Variants in LRRC4C observed in about 807,000 individuals in gnomAD.
The protein encoded by LRRC4C is leucine rich repeat containing 4C, also known as leucine-rich repeat-containing protein 4C.
A neutral mutation model predicts 33.6 loss-of-function variants in LRRC4C; 5 were observed. The observed-to-expected ratio is 0.15, with a 90% CI of 0.08 to 0.31. The LOEUF is 0.31. LRRC4C is among the 10% of genes least tolerant of loss of function. The probability of loss-of-function intolerance (pLI) is 1.00; values close to 1 mark genes in which losing one functional copy is unlikely to be tolerated. For synonymous variants in LRRC4C, 329 were observed against 302.0 expected (o/e 1.09, Z -0.93); for missense variants, 560 against 796.7 (o/e 0.70, Z 3.58).
At chr11:40,513,248 CAAAAAAAAAAA>C (rs1171178910) in intron 3 of LRRC4C, among the ~76,000 whole-genome samples, 17 of 55,014 alleles carry the variant, frequency 3.1e-4, no homozygotes, top group South Asian at 1.6e-3. Flanking sequence ...GACTCCGTCT[CAAAAAAAAAAA>C]AAAAAAAAAA....
chr11:41,075,577 C>A (rs1447185834), intron 1 of LRRC4C, among the ~76,000 whole-genome samples: 3 of 152,098 alleles, frequency 2.0e-5, no homozygotes, highest in Non-Finnish European at 4.4e-5. Context: ...AACCCATTAG[C>A]ACATTAATAC....
At chr11:40,501,034 T>C (rs189717231) in intron 3 of LRRC4C, among the ~76,000 whole-genome samples, 11 of 152,302 alleles carry the variant, frequency 7.2e-5, no homozygotes, top group Middle Eastern at 3.4e-3. Flanking sequence ...ATACAGAGGC[T>C]ACAGACCCCA....
At chr11:41,285,295 C>T (rs1949790090) in intron 1 of LRRC4C, among the ~76,000 whole-genome samples, 1 of 152,118 alleles carries the variant, frequency 6.6e-6, no homozygotes, top group African/African-American at 2.4e-5. Flanking sequence ...ACATGTATTT[C>T]TTCACGTATA....
chr11:40,325,029 A>G (rs568831158), intron 3 of LRRC4C, among the ~76,000 whole-genome samples: 20 of 152,348 alleles, frequency 1.3e-4, no homozygotes, highest in African/African-American at 4.8e-4. Context: ...TACTATTAGT[A>G]TAGTTGTAGT....
At chr11:40,562,242 A>G (rs1957578046) in intron 3 of LRRC4C, among the ~76,000 whole-genome samples, 1 of 152,238 alleles carries the variant, frequency 6.6e-6, no homozygotes, top group African/African-American at 2.4e-5. Context: ...TTGATTATCA[A>G]CATGAAGCAA....
At chr11:40,394,308 C>A (rs1949453419) in intron 3 of LRRC4C, among the ~76,000 whole-genome samples, 1 of 152,082 alleles carries the variant, frequency 6.6e-6, no homozygotes, top group South Asian at 2.1e-4. Context: ...ATCTTCCTGG[C>A]AGAATAACTT....
chr11:40,311,742 C>G (rs1029716913), intron 4 of LRRC4C, among the ~76,000 whole-genome samples: 1 of 151,956 alleles, frequency 6.6e-6, no homozygotes, highest in Non-Finnish European at 1.5e-5. Context: ...GTCAAGAGAT[C>G]GAGACCATCC....
chr11:41,007,033 C>T (rs1359147747), intron 1 of LRRC4C, among the ~76,000 whole-genome samples: 2 of 152,146 alleles, frequency 1.3e-5, no homozygotes, highest in African/African-American at 2.4e-5. Flanking sequence ...ACTCCTACCA[C>T]TTTCATAACT....
At chr11:40,956,283 T>A (rs965416940) in intron 1 of LRRC4C, among the ~76,000 whole-genome samples, 18 of 151,822 alleles carry the variant, frequency 1.2e-4, no homozygotes, top group African/African-American at 4.3e-4. Flanking sequence ...TGGCTAACAT[T>A]CTGTCCAGAG....
intron 2 of LRRC4C, among the ~76,000 whole-genome samples, chr11:40,673,025 A>G: frequency 6.6e-6 from 1 of 150,398 alleles, no homozygotes; most frequent in East Asian, 1.9e-4. Context: ...ACCTAAGCCT[A>G]TCTTAAAAGA....
At chr11:40,974,265 T>C (rs376499659) in intron 1 of LRRC4C, among the ~76,000 whole-genome samples, 1 of 152,178 alleles carries the variant, frequency 6.6e-6, no homozygotes, top group African/African-American at 2.4e-5. Flanking sequence ...GACTAATCTC[T>C]CTTGTTATTG....
chr11:40,125,812 C>T (rs148275568), intron 6 of LRRC4C, among the ~76,000 whole-genome samples: 9 of 152,024 alleles, frequency 5.9e-5, no homozygotes, highest in Admixed American at 2.6e-4. Context: ...AACAAAGCAA[C>T]GAATTAAATA....
intron 1 of LRRC4C, among the ~76,000 whole-genome samples, chr11:41,132,900 A>G (rs1166460424): frequency 6.6e-6 from 1 of 152,126 alleles, no homozygotes; most frequent in Non-Finnish European, 1.5e-5. Flanking sequence ...TGAAGATGTA[A>G]TGATATATTT....
intron 5 of LRRC4C, among the ~76,000 whole-genome samples, chr11:40,227,859 G>A (rs961611532): frequency 6.6e-6 from 1 of 152,174 alleles, no homozygotes; most frequent in Non-Finnish European, 1.5e-5. Flanking sequence ...GAGGTGCTAT[G>A]AAGAGGAAAA....
rs554863934 is a variant in LRRC4C, at chr11:41,193,488, G to A, written c.-495-259765C>T. 4.8e-4 allele frequency among the ~76,000 whole-genome samples: 73 copies of A among 152,192 alleles called. 1 individual carries two copies. The highest frequency in any genetic ancestry group is 2.4e-3 in the Admixed American group (37 of 15,272). ...TGATGCCATCGTTGTTATAGAAAAA[G>A]CCATGAAACCCATCAAGCTAGGAAG... On this transcript the variant is annotated intron_variant, in intron 1 of 6. Transcript: ENST00000528697.
chr11:40,963,711 A>G (rs1216903399), intron 1 of LRRC4C, among the ~76,000 whole-genome samples: 1 of 151,794 alleles, frequency 6.6e-6, no homozygotes, highest in Non-Finnish European at 1.5e-5. Flanking sequence ...GCAGGAATCA[A>G]TCAAATCAAA....
chr11:41,182,226 C>T (rs987237993), intron 1 of LRRC4C, among the ~76,000 whole-genome samples: 1 of 152,142 alleles, frequency 6.6e-6, no homozygotes, highest in African/African-American at 2.4e-5. Flanking sequence ...ACAATTATCA[C>T]AATTATTTTG....
chr11:40,114,232 A>G lies in LRRC4C; in HGVS notation c.*138T>C. 1.0e-6 allele frequency: 1 copy of G among 999,016 alleles called. No individual in the cohort carries two copies. Among genetic ancestry groups the G allele is most frequent in the Non-Finnish European group, 1.4e-6 (1 of 712,824 alleles). 61.9% of individuals were successfully genotyped at this position (999,016 alleles called of 1,614,324 possible). On this transcript the variant is annotated 3_prime_UTR_variant, in exon 7 of 7. Coordinates refer to ENST00000528697, the MANE Select transcript of LRRC4C (RefSeq NM_001258419.2). ...GCTTTAGATCACAATAGAATTTTTAATAAATAAATTTCTTTTCTTTTTTGT... is the reference window on the plus strand; with the variant it reads ...GCTTTAGATCACAATAGAATTTTTAGTAAATAAATTTCTTTTCTTTTTTGT...
intron 1 of LRRC4C, among the ~76,000 whole-genome samples, chr11:41,289,882 G>A (rs1227818955): frequency 1.3e-5 from 2 of 152,114 alleles, no homozygotes; most frequent in Non-Finnish European, 2.9e-5. Flanking sequence ...GATGTAAGGA[G>A]AGTAAAACAA....
Sources: gnomAD v4.1 joint callset for allele counts (sites outside exome capture counted in the v4.1 genomes callset) on GRCh38, gnomAD v4.1.1 for gene constraint, MANE v1.5 for transcripts, NCBI Gene and HGNC (gene_info 2026-07-23, HGNC 2026-07-21) for gene names.